LHFPL2: variants seen among roughly 807,000 people sequenced by gnomAD.
LHFPL2 encodes LHFPL tetraspan subfamily member 2 protein.
In LHFPL2, 7 loss-of-function variants were observed where a neutral mutation model predicts 17.5. The observed-to-expected ratio is 0.40, with a 90% CI of 0.23 to 0.75. LHFPL2 has a LOEUF of 0.75. LHFPL2 is among the 30% of genes least tolerant of loss of function. The pLI is 0.37. For synonymous variants in LHFPL2, 134 were observed against 116.2 expected, an observed-to-expected ratio of 1.15 and a Z score of -0.99; for missense variants, 241 against 294.8, an observed-to-expected ratio of 0.82 and a Z score of 1.34.
At chr5:78,639,273 C>G (rs1035823890) in intron 1 of LHFPL2, among the ~76,000 whole-genome samples, 5 of 152,180 alleles carry the variant, frequency 3.3e-5, no homozygotes, top group African/African-American at 1.2e-4. Flanking sequence ...TTTCACACAT[C>G]AGCTTAGTTC....
At chr5:78,631,900 C>G (rs993429843) in intron 2 of LHFPL2, among the ~76,000 whole-genome samples, 6 of 144,354 alleles carry the variant, frequency 4.2e-5, no homozygotes, top group African/African-American at 1.3e-4. Flanking sequence ...CACGCCACTG[C>G]ACTCCAGCCT....
intron 2 of LHFPL2, among the ~76,000 whole-genome samples, chr5:78,614,645 T>C (rs1228737491): frequency 1.3e-5 from 2 of 152,210 alleles, no homozygotes; most frequent in Non-Finnish European, 2.9e-5. Flanking sequence ...GAACCCATAT[T>C]GACTCTGCAA....
At chr5:78,541,243 G>C (rs1368025681) in intron 3 of LHFPL2, among the ~76,000 whole-genome samples, 3 of 152,176 alleles carry the variant, frequency 2.0e-5, no homozygotes, top group Non-Finnish European at 4.4e-5. Context: ...GAGTGAAGCT[G>C]GGGGAGGTAA....
intron 3 of LHFPL2, among the ~76,000 whole-genome samples, chr5:78,542,261 G>T (rs1756135862): frequency 1.3e-5 from 2 of 152,128 alleles, no homozygotes; most frequent in South Asian, 4.1e-4. Flanking sequence ...GGTCCCTTGA[G>T]AGGCTCCAGT....
chr5:78,584,941 G>T (rs186118898), intron 2 of LHFPL2, among the ~76,000 whole-genome samples: 313 of 150,438 alleles, frequency 2.1e-3, no homozygotes, highest in African/African-American at 7.0e-3. Context: ...ACGAGACTCC[G>T]TGGGCGTAGG....
At chr5:78,608,797 T>G (rs1015466504) in intron 2 of LHFPL2, among the ~76,000 whole-genome samples, 1 of 152,000 alleles carries the variant, frequency 6.6e-6, no homozygotes, top group Non-Finnish European at 1.5e-5. Flanking sequence ...CCGGGCGCGG[T>G]GGCGGGCGCC....
At chr5:78,586,038 G>A (rs1296105981) in intron 2 of LHFPL2, among the ~76,000 whole-genome samples, 1 of 152,152 alleles carries the variant, frequency 6.6e-6, no homozygotes, top group Non-Finnish European at 1.5e-5. Flanking sequence ...TGAGGATGAG[G>A]AACAGCACCA....
In LHFPL2 at chr5:78,489,017, A is replaced by G. The variant is rs1462706026; in HGVS notation, c.567T>C (p.Ile189=). The G allele has an allele frequency of 3.1e-6, 5 of 1,614,098 alleles. No homozygotes were observed. Among genetic ancestry groups the G allele is most frequent in the East Asian group, 2.2e-5 (1 of 44,886 alleles). ...CSLGWAFYTA[I]GGTVLTFICA... is the part of the protein sequence containing the mutation. ...AGATGAAAGTGAGGACTGTGCCCCC[A>G]ATGGCGGTATAAAAGGCCCAGCCCA... Residue 189 remains isoleucine (I), a synonymous_variant, in exon 5 of 5, where the codon ATT becomes ATC. Transcript: ENST00000380345.
intron 3 of LHFPL2, among the ~76,000 whole-genome samples, chr5:78,533,556 C>T (rs561380536): frequency 3.9e-5 from 6 of 152,324 alleles, no homozygotes; most frequent in South Asian, 2.1e-4. Flanking sequence ...GAGGGAAAAA[C>T]GCCCTCTATG....
At chr5:78,495,796 C>T (rs575848578) in intron 4 of LHFPL2, among the ~76,000 whole-genome samples, 13 of 152,326 alleles carry the variant, frequency 8.5e-5, no homozygotes, top group Non-Finnish European at 1.6e-4. Context: ...AGCGTGTCCA[C>T]GGAGTGCATG....
intron 2 of LHFPL2, among the ~76,000 whole-genome samples, chr5:78,566,598 C>T (rs1245506858): frequency 6.6e-6 from 1 of 152,084 alleles, no homozygotes; most frequent in African/African-American, 2.4e-5. Flanking sequence ...GCTGGGATTA[C>T]AGGCATGTGC....
At chr5:78,631,179 C>A (rs943629430) in intron 2 of LHFPL2, among the ~76,000 whole-genome samples, 2 of 152,216 alleles carry the variant, frequency 1.3e-5, no homozygotes, top group Non-Finnish European at 2.9e-5. Context: ...CTTCAGGTTG[C>A]CCATTGGGAA....
At chr5:78,585,917 C>T (rs367577912) in intron 2 of LHFPL2, among the ~76,000 whole-genome samples, 2 of 152,162 alleles carry the variant, frequency 1.3e-5, no homozygotes, top group Admixed American at 6.5e-5. Context: ...CAACACAAGC[C>T]GTTCACGTAC....
At chr5:78,563,848 T>C (rs11954219) in intron 3 of LHFPL2, among the ~76,000 whole-genome samples, 64,218 of 151,854 alleles carry the variant, frequency 0.42, 13,763 homozygotes, top group Middle Eastern at 0.49. Context: ...TTACAATTCC[T>C]GTTTAACAAC....
At chr5:78,623,509 C>G (rs1744931941) in intron 2 of LHFPL2, among the ~76,000 whole-genome samples, 1 of 152,192 alleles carries the variant, frequency 6.6e-6, no homozygotes, top group Non-Finnish European at 1.5e-5. Flanking sequence ...AACTATGTCA[C>G]ATGCAATAAG....
chr5:78,513,274 A>C (rs560864916), intron 3 of LHFPL2, among the ~76,000 whole-genome samples: 2 of 152,232 alleles, frequency 1.3e-5, no homozygotes, highest in Non-Finnish European at 2.9e-5. Context: ...TGGGCTTAGC[A>C]AAATGCCTGA....
At chr5:78,605,597 G>A (rs1744186507) in intron 2 of LHFPL2, among the ~76,000 whole-genome samples, 1 of 152,164 alleles carries the variant, frequency 6.6e-6, no homozygotes, top group African/African-American at 2.4e-5. Flanking sequence ...AGGCTTCTAA[G>A]ATAAGTGAAA....
At chr5:78,596,335 A>T (rs1743825917) in intron 2 of LHFPL2, among the ~76,000 whole-genome samples, 1 of 152,250 alleles carries the variant, frequency 6.6e-6, no homozygotes, top group Non-Finnish European at 1.5e-5. Context: ...ATCCTACAGA[A>T]GGTAAGCAGC....
intron 2 of LHFPL2, among the ~76,000 whole-genome samples, chr5:78,631,097 G>A (rs972553247): frequency 1.3e-5 from 2 of 152,172 alleles, no homozygotes; most frequent in East Asian, 1.9e-4. Flanking sequence ...TAAAAGTGTC[G>A]TATCAAAATG....
Sources: gnomAD v4.1 joint callset for allele counts (sites outside exome capture counted in the v4.1 genomes callset) on GRCh38, gnomAD v4.1.1 for gene constraint, MANE v1.5 for transcripts, NCBI Gene and HGNC (gene_info 2026-07-23, HGNC 2026-07-21) for gene names.